Variants in PLCG2 observed in about 807,000 individuals in gnomAD.
The protein encoded by PLCG2 is 1-phosphatidylinositol 4,5-bisphosphate phosphodiesterase gamma-2.
In PLCG2, 69 loss-of-function variants were observed where a neutral mutation model predicts 175.6. The ratio of observed to expected loss-of-function variants is 0.39; its 90% CI spans 0.32 to 0.48. The LOEUF is 0.48. Among genes scored for constraint, PLCG2 ranks in the 20% least tolerant of loss-of-function variants. The pLI is 0.91. For synonymous variants in PLCG2, 827 were observed against 624.0 expected, an observed-to-expected ratio of 1.33 and a Z score of -4.85; for missense variants, 1,798 against 1,650.9, an observed-to-expected ratio of 1.09 and a Z score of -1.54.
chr16:81,814,042 C>A (rs1490341432), intron 2 of PLCG2, among the ~76,000 whole-genome samples: 4 of 152,116 alleles, frequency 2.6e-5, no homozygotes, highest in Non-Finnish European at 5.9e-5. Flanking sequence ...GTTGAGTGAT[C>A]TAGAAGGCAG....
chr16:81,797,682 T>C (rs945337092), intron 2 of PLCG2, among the ~76,000 whole-genome samples: 3 of 152,340 alleles, frequency 2.0e-5, no homozygotes, highest in East Asian at 3.9e-4. Context: ...TTCCTAACCA[T>C]GGCAGCAGTA....
intron 19 of PLCG2, among the ~76,000 whole-genome samples, chr16:81,917,226 C>G: frequency 2.5e-5 from 1 of 40,776 alleles, no homozygotes; most frequent in Non-Finnish European, 4.0e-5. Flanking sequence ...GACAGGCTTT[C>G]CTTTTTTTTT....
chr16:81,863,611 A>T (rs914629597), intron 5 of PLCG2, among the ~76,000 whole-genome samples: 11 of 152,212 alleles, frequency 7.2e-5, no homozygotes. Flanking sequence ...GTATATATCC[A>T]GAAGCTGAAT....
chr16:81,795,889 A>G (rs773531419), intron 2 of PLCG2, among the ~76,000 whole-genome samples: 28 of 152,210 alleles, frequency 1.8e-4, no homozygotes, highest in African/African-American at 6.0e-4. Flanking sequence ...ATTGAACAGA[A>G]TTTGGCATGT....
rs188650028 is a variant in PLCG2 at position 81,873,409 on chromosome 16, G to A, written c.648+2474G>A. Among the ~76,000 whole-genome samples the A allele has an allele frequency of 1.3e-3, 197 of 152,320 alleles. 2 individuals are homozygous for A. Among genetic ancestry groups the A allele is most frequent in the Middle Eastern group, 3.4e-3 (1 of 294 alleles). Reference sequence around the variant, plus strand: ...AAAAATAGTCCTTGAGAACAATGACGTGTGTCATTGAACATAGAACATGTC... The same window carrying A: ...AAAAATAGTCCTTGAGAACAATGACATGTGTCATTGAACATAGAACATGTC... On this transcript the variant is annotated intron_variant, in intron 7 of 32. Transcript: ENST00000564138.
intron 30 of PLCG2, 111 bp downstream of exon 30, chr16:81,940,170 C>G: frequency 1.1e-6 from 1 of 950,942 alleles, no homozygotes; most frequent in Non-Finnish European, 1.6e-6. Context: ...GATGGAATCA[C>G]TGTAAAACCG....
At chr16:81,928,690 G>C (rs368410901) in intron 24 of PLCG2, 66 bp downstream of exon 24, 1 of 1,040,384 alleles carries the variant, frequency 9.6e-7, no homozygotes, top group Non-Finnish European at 1.5e-6. Context: ...CCTCAGCCCC[G>C]CCCTACACAG....
At chr16:81,779,597 G>C (rs1456882221) in intron 1 of PLCG2, among the ~76,000 whole-genome samples, 173 bp downstream of exon 1, 1 of 152,044 alleles carries the variant, frequency 6.6e-6, no homozygotes, top group Non-Finnish European at 1.5e-5. Flanking sequence ...GGGTCCGTTT[G>C]GTGACGGCAG....
chr16:81,787,514 C>T (rs1290005614), intron 2 of PLCG2, among the ~76,000 whole-genome samples: 2 of 145,534 alleles, frequency 1.4e-5, no homozygotes, highest in Admixed American at 1.4e-4. Flanking sequence ...AGGCATGAGC[C>T]ACCTCACCCA....
chr16:81,826,955 G>C (rs192113689), intron 2 of PLCG2, among the ~76,000 whole-genome samples: 1 of 152,294 alleles, frequency 6.6e-6, no homozygotes, highest in East Asian at 1.9e-4. Context: ...CTGTGGATCC[G>C]ATGAGATGAC....
At chr16:81,819,972 A>T (rs1261518149) in intron 2 of PLCG2, among the ~76,000 whole-genome samples, 2 of 152,230 alleles carry the variant, frequency 1.3e-5, no homozygotes, top group African/African-American at 4.8e-5. Context: ...TGGAAAAGAT[A>T]GACAAACACA....
intron 11 of PLCG2, among the ~76,000 whole-genome samples, chr16:81,892,777 C>G (rs1045451079): frequency 6.6e-6 from 1 of 152,084 alleles, no homozygotes; most frequent in Admixed American, 6.5e-5. Context: ...TACTTACTAC[C>G]CATTAGTTAT....
intron 6 of PLCG2, among the ~76,000 whole-genome samples, chr16:81,870,160 A>G (rs556319497): frequency 2.0e-5 from 3 of 152,218 alleles, no homozygotes; most frequent in Non-Finnish European, 4.4e-5. Flanking sequence ...GAGGAGAGAG[A>G]TGGGAGAAGC....
At chr16:81,917,335 T>C (rs553501978) in intron 19 of PLCG2, among the ~76,000 whole-genome samples, 1 of 152,276 alleles carries the variant, frequency 6.6e-6, no homozygotes, top group Admixed American at 6.5e-5. Context: ...ACCTTGGCTA[T>C]GGTGAATGGT....
chr16:81,908,683 G>A, intron 17 of PLCG2, 92 bp downstream of exon 17: 1 of 1,142,346 alleles, frequency 8.8e-7, no homozygotes, highest in Non-Finnish European at 1.2e-6. Context: ...GCAGGAATTG[G>A]GCAGGCTGGG....
chr16:81,808,469 C>T (rs1904292118), intron 2 of PLCG2, among the ~76,000 whole-genome samples: 1 of 152,122 alleles, frequency 6.6e-6, no homozygotes, highest in Admixed American at 6.6e-5. Context: ...TGCCACCTAC[C>T]ACTGTGCAAT....
At chr16:81,876,156 C>A (rs1267995024) in intron 7 of PLCG2, among the ~76,000 whole-genome samples, 3 of 151,304 alleles carry the variant, frequency 2.0e-5, no homozygotes, top group African/African-American at 7.3e-5. Context: ...CTCCGGAGTA[C>A]CTGGGACCAC....
chr16:81,821,981 G>A (rs80049313), intron 2 of PLCG2, among the ~76,000 whole-genome samples: 404 of 151,926 alleles, frequency 2.7e-3, no homozygotes, highest in Non-Finnish European at 5.1e-3. Flanking sequence ...CCTTAACTTC[G>A]CTGAGCCTTC....
intron 10 of PLCG2, 73 bp from the exon 11 acceptor site, chr16:81,891,399 G>T (rs768215951): frequency 1.1e-6 from 1 of 874,524 alleles, no homozygotes; most frequent in Non-Finnish European, 2.0e-6. Context: ...CCTGGTGGGC[G>T]CAGACCAGAA....
Sources: gnomAD v4.1 joint callset for allele counts (sites outside exome capture counted in the v4.1 genomes callset) on GRCh38, gnomAD v4.1.1 for gene constraint, MANE v1.5 for transcripts, NCBI Gene and HGNC (gene_info 2026-07-23, HGNC 2026-07-21) for gene names.